Variants in ZNF366 observed in about 807,000 individuals in gnomAD.
ZNF366 encodes the protein zinc finger protein 366.
In ZNF366, 20 loss-of-function variants were observed where a neutral mutation model predicts 47.2. The observed-to-expected ratio is 0.42, with a 90% CI of 0.30 to 0.62. The LOEUF (loss-of-function observed/expected upper bound fraction) is 0.62. ZNF366 is among the 20% of genes least tolerant of loss of function. The probability of loss-of-function intolerance (pLI) is 0.16; values close to 1 mark genes in which losing one functional copy is unlikely to be tolerated. For missense variants in ZNF366, 987 were observed against 976.3 expected (o/e 1.01, Z -0.15); for synonymous variants, 421 against 395.1 (o/e 1.07, Z -0.78).
In ZNF366 at chr5:72,451,567, A is replaced by G. The variant is rs547586900; in HGVS notation, c.1525-4150T>C. Among the ~76,000 whole-genome samples, 940 of 152,350 alleles carry G rather than the reference A, an allele frequency of 6.2e-3. 4 individuals are homozygous for G. The highest frequency in any genetic ancestry group is 8.8e-3 in the Non-Finnish European group (602 of 68,028). ...AGGACTTGGCAAATAGTAAGAGCTC[A>G]ATAAATATTAGCTCTTTTTACTATC... is the stretch of plus-strand genomic sequence containing the variant. On this transcript the variant is annotated intron_variant, in intron 3 of 4. Transcript: ENST00000318442.
chr5:72,460,136 C>T lies in ZNF366; in HGVS notation c.1332+29G>A, dbSNP rs774826682. Reference sequence around the variant, plus strand: ...GGCCCCGCTCCTCTTCCCAAGGCCCCGTCCGCCCCACCAGAGGCCCCGCAG... The same window carrying T: ...GGCCCCGCTCCTCTTCCCAAGGCCCTGTCCGCCCCACCAGAGGCCCCGCAG... On this transcript the variant is annotated intron_variant, in intron 2 of 4. Transcript: ENST00000318442. The T allele has an allele frequency of 8.1e-6, 13 of 1,603,270 alleles. No homozygotes were observed. The South Asian group carries it at 1.2e-4, about 15-fold the overall frequency.
At chr5:72,487,473 T>C (rs1743913834) in intron 1 of ZNF366, among the ~76,000 whole-genome samples, 1 of 152,258 alleles carries the variant, frequency 6.6e-6, no homozygotes, top group African/African-American at 2.4e-5. Flanking sequence ...GTCATTTCCA[T>C]ATGCCTTTTA....
intron 2 of ZNF366, among the ~76,000 whole-genome samples, chr5:72,459,383 T>C (rs115206186): frequency 2.6e-5 from 4 of 152,130 alleles, no homozygotes. Context: ...TTCCATACTT[T>C]AGCTGGGGTA....
At chr5:72,484,353 G>A (rs993252127) in intron 1 of ZNF366, among the ~76,000 whole-genome samples, 25 of 149,796 alleles carry the variant, frequency 1.7e-4, no homozygotes, top group East Asian at 7.8e-4. Context: ...GCGTAGTGGC[G>A]GGCGCCTGTA....
intron 1 of ZNF366, among the ~76,000 whole-genome samples, chr5:72,463,181 G>A (rs773577029): frequency 3.3e-5 from 5 of 152,188 alleles, no homozygotes; most frequent in Admixed American, 2.6e-4. Flanking sequence ...TTGGCGAGTC[G>A]GATACAGCTT....
intron 1 of ZNF366, among the ~76,000 whole-genome samples, chr5:72,487,745 G>T (rs1743919590): frequency 6.6e-6 from 1 of 152,226 alleles, no homozygotes. Context: ...CACAGAATAA[G>T]TTAGTGTATC....
At chr5:72,507,026 T>C (rs1274832483) in intron 1 of ZNF366, among the ~76,000 whole-genome samples, 1 of 152,202 alleles carries the variant, frequency 6.6e-6, no homozygotes, top group African/African-American at 2.4e-5. Context: ...GTGTCCTCTT[T>C]AGTCCCAATG....
At chr5:72,456,746 A>T in intron 2 of ZNF366, 151 bp from the exon 3 acceptor site, 1 of 753,708 alleles carries the variant, frequency 1.3e-6, no homozygotes, top group Non-Finnish European at 1.9e-6. Context: ...CAGCCTTGTT[A>T]AATTACTATT....
chr5:72,460,954 G>C lies in ZNF366; in HGVS notation c.543C>G (p.His181Gln), dbSNP rs1418067643. The change falls in exon 2 of 5, where the codon CAC becomes CAG. Residue 181 changes from histidine to glutamine, a missense_variant. Transcript: ENST00000318442. ...PTPYPYYPKV[H>Q]PGLMFPFFVP... ...CGAAGAAGGGGAACATGAGGCCCGG[G>C]TGGACTTTGGGGTAGTAGGGGTAGG... The C allele has an allele frequency of 6.2e-7, 1 of 1,612,576 alleles. No homozygotes were observed. The highest frequency in any genetic ancestry group is 8.5e-7 in the Non-Finnish European group (1 of 1,178,914).
chr5:72,461,540 G>A, intron 1 of ZNF366, 30 bp from the exon 2 acceptor site: 1 of 1,515,986 alleles, frequency 6.6e-7, no homozygotes, highest in Non-Finnish European at 8.8e-7. Context: ...TGTGTGTTTT[G>A]GTTTGGTTTT....
At chr5:72,475,952 C>T (rs546841111) in intron 1 of ZNF366, among the ~76,000 whole-genome samples, 229 of 152,206 alleles carry the variant, frequency 1.5e-3, no homozygotes, top group African/African-American at 5.3e-3. Flanking sequence ...GAGCTCACCA[C>T]GTGTAAAGAA....
At chr5:72,473,266 A>G (rs1580244502) in intron 1 of ZNF366, among the ~76,000 whole-genome samples, 1 of 152,242 alleles carries the variant, frequency 6.6e-6, no homozygotes, top group Admixed American at 6.5e-5. Context: ...ATGTATGGTC[A>G]AGAGGTAGAG....
intron 1 of ZNF366, among the ~76,000 whole-genome samples, chr5:72,490,154 A>C (rs1743976985): frequency 6.6e-6 from 1 of 152,192 alleles, no homozygotes; most frequent in Admixed American, 6.5e-5. Context: ...AGGGTCAGAG[A>C]AGGGAAGTCA....
chr5:72,460,871 G>A lies in ZNF366; in HGVS notation c.626C>T (p.Pro209Leu), dbSNP rs770570348. 10 of 1,613,540 alleles carry A rather than the reference G, an allele frequency of 6.2e-6. No homozygotes were observed. Among genetic ancestry groups the A allele is most frequent in the Non-Finnish European group, 8.5e-6 (10 of 1,179,666 alleles). The stretch of plus-strand genomic sequence containing the variant: ...GGCTTTCCGGGGCAGCAGAGGTTCC[G>A]GGGGCTGCTTGGGCAGGAAGGTGTG... ...SRHTFLPKQP[P>L]EPLLPRKAEP... is the part of the protein sequence containing the mutation. The change falls in exon 2 of 5, where the codon CCG (proline) becomes CTG (leucine). Residue 209 changes from proline (P) to leucine (L), a missense_variant. By Grantham distance (98) the Pro-to-Leu change is moderately conservative. Around this residue, in one of 3 missense-constraint regions of ZNF366, gnomAD observed 591 missense variants for 560.9 expected, o/e 1.05. Transcript: ENST00000318442.
At chr5:72,454,970 C>T (rs996928966) in intron 3 of ZNF366, among the ~76,000 whole-genome samples, 15 of 143,566 alleles carry the variant, frequency 1.0e-4, no homozygotes, top group African/African-American at 3.8e-4. Context: ...TAATGCTCTG[C>T]TTCCATCATC....
At chr5:72,498,251 T>C (rs1164122312) in intron 1 of ZNF366, among the ~76,000 whole-genome samples, 6 of 152,364 alleles carry the variant, frequency 3.9e-5, no homozygotes, top group Admixed American at 6.5e-5. Flanking sequence ...GAATTTATTT[T>C]AATTTAAAAA....
chr5:72,462,064 G>A (rs1161069411), intron 1 of ZNF366, among the ~76,000 whole-genome samples: 1 of 152,152 alleles, frequency 6.6e-6, no homozygotes, highest in East Asian at 1.9e-4. Context: ...TTGGGCCTTT[G>A]CTGCTGGAAA....
intron 1 of ZNF366, among the ~76,000 whole-genome samples, chr5:72,467,254 A>G (rs1349871033): frequency 6.6e-6 from 1 of 152,216 alleles, no homozygotes; most frequent in Non-Finnish European, 1.5e-5. Context: ...TTTGAAAAGG[A>G]AAATATTGGG....
intron 1 of ZNF366, among the ~76,000 whole-genome samples, chr5:72,486,934 C>T (rs1401987035): frequency 6.6e-6 from 1 of 152,050 alleles, no homozygotes; most frequent in African/African-American, 2.4e-5. Context: ...CCTGCCACCA[C>T]GCCTGGCTGC....
Sources: allele counts gnomAD v4.1 joint callset (sites outside exome capture counted in the v4.1 genomes callset), GRCh38; gene constraint gnomAD v4.1.1; regional missense constraint gnomAD v4.1.1; transcripts MANE v1.5; gene names NCBI Gene and HGNC (gene_info 2026-07-23, HGNC 2026-07-21).